CLIP1: variants seen among roughly 807,000 people sequenced by gnomAD.
CLIP1 encodes the protein CAP-Gly domain-containing linker protein 1.
CLIP1 carries 66 observed loss-of-function variants against 161.6 expected under a neutral mutation model. The observed-to-expected ratio is 0.41, with a 90% CI of 0.33 to 0.50. CLIP1 has a LOEUF of 0.50. Ranked by LOEUF, CLIP1 falls within the 20% of genes least tolerant of loss-of-function variation. The pLI is 0.27. For missense variants in CLIP1, 1,376 were observed against 1,702.0 expected (o/e 0.81, Z 3.37); for synonymous variants, 598 against 626.2 (o/e 0.96, Z 0.67).
chr12:122,406,028 C>A (rs2137122699), intron 1 of CLIP1, among the ~76,000 whole-genome samples: 1 of 152,302 alleles, frequency 6.6e-6, no homozygotes, highest in Non-Finnish European at 1.5e-5. Context: ...GATGGCACCA[C>A]TGCACTCCAG....
chr12:122,401,453 G>A (rs2137082218), intron 1 of CLIP1, among the ~76,000 whole-genome samples: 1 of 152,060 alleles, frequency 6.6e-6, no homozygotes. Flanking sequence ...ATCACTTGAG[G>A]TCAGGAATTC....
In CLIP1 at chr12:122,364,039, A is replaced by G. The variant is rs146579864; in HGVS notation, c.726T>C (p.Cys242=). The change falls in exon 4 of 26, where the codon TGT becomes TGC. Residue 242 remains cysteine, a synonymous_variant. Coordinates refer to ENST00000620786, the MANE Select transcript of CLIP1 (RefSeq NM_001247997.2). ...GETDFAKGEW[C]GVELDEPLGK... Reference sequence around the variant, plus strand: ...CAAGTGGCTCATCTAACTCCACGCCACACCACTCCCCCTTGGCAAAGTCGG... The same window carrying G: ...CAAGTGGCTCATCTAACTCCACGCCGCACCACTCCCCCTTGGCAAAGTCGG... 3.4e-5 allele frequency: 55 copies of G among 1,613,996 alleles called. No homozygotes were observed. Among genetic ancestry groups the G allele is most frequent in the Non-Finnish European group, 4.5e-5 (53 of 1,180,028 alleles).
intron 20 of CLIP1, among the ~76,000 whole-genome samples, chr12:122,309,346 CACTTACACCAAATCT>C (rs1156655038): frequency 2.9e-4 from 44 of 152,256 alleles, no homozygotes; most frequent in Non-Finnish European, 5.6e-4. Context: ...CAGCTGCCAA[CACTTACACCAAATCT>C]ATATTCTTGG....
At chr12:122,400,136 C>T (rs1412954327) in intron 1 of CLIP1, 5 of 152,146 alleles carry the variant, frequency 3.3e-5, no homozygotes, top group South Asian at 2.1e-4. Flanking sequence ...ACTTACACAA[C>T]GCTGGGACCT....
rs1042643249 is a variant in CLIP1, at chr12:122,329,652, A to C, written c.2868-1226T>G. Among the ~76,000 whole-genome samples, 5 of 147,432 alleles carry C rather than the reference A, an allele frequency of 3.4e-5. No individual in the cohort carries two copies. The South Asian group carries it at 8.3e-4, about 24-fold the overall frequency. On this transcript the variant is annotated intron_variant, in intron 15 of 25. Coordinates refer to ENST00000620786, the MANE Select transcript of CLIP1 (RefSeq NM_001247997.2). ...CTCAAAAAAAAAAATTAATTAATTA[A>C]CTTAAATAAATAAATAAATAAATAA... is the stretch of plus-strand genomic sequence containing the variant.
At chr12:122,336,093 A>G (rs1174636904) in intron 12 of CLIP1, among the ~76,000 whole-genome samples, 1 of 152,252 alleles carries the variant, frequency 6.6e-6, no homozygotes, top group Non-Finnish European at 1.5e-5. Context: ...TACATATGCC[A>G]TACAACTTGA....
intron 15 of CLIP1, among the ~76,000 whole-genome samples, chr12:122,331,081 C>G (rs1951942600): frequency 6.6e-6 from 1 of 151,636 alleles, no homozygotes; most frequent in Non-Finnish European, 1.5e-5. Context: ...ATGGCACTAT[C>G]TCAGCTCACC....
intron 21 of CLIP1, among the ~76,000 whole-genome samples, chr12:122,287,299 C>A (rs1188834647): frequency 6.6e-6 from 1 of 152,206 alleles, no homozygotes; most frequent in Non-Finnish European, 1.5e-5. Flanking sequence ...AACTCCTAAG[C>A]AACTGCTACG....
chr12:122,309,154 T>C (rs1187803803), intron 20 of CLIP1, among the ~76,000 whole-genome samples: 2 of 152,226 alleles, frequency 1.3e-5, no homozygotes, highest in African/African-American at 4.8e-5. Flanking sequence ...TCAACTTCTA[T>C]AAGAAACCTT....
At chr12:122,360,205 G>A (rs1007444673) in intron 5 of CLIP1, among the ~76,000 whole-genome samples, 2 of 152,058 alleles carry the variant, frequency 1.3e-5, no homozygotes, top group Non-Finnish European at 2.9e-5. Flanking sequence ...AGTAGGTCAG[G>A]TTGTATTAAC....
chr12:122,355,102 G>A lies in CLIP1; in HGVS notation c.1203+13C>T, dbSNP rs780361394. Reference sequence around the variant, plus strand: ...AAACCATCACCATCTCCGCAACAAGGTCCAGACTTCACCTGGTCATGTCCG... The same window carrying A: ...AAACCATCACCATCTCCGCAACAAGATCCAGACTTCACCTGGTCATGTCCG... On this transcript the variant is annotated intron_variant, in intron 6 of 25. Coordinates refer to ENST00000620786, the MANE Select transcript of CLIP1 (RefSeq NM_001247997.2). This position sits in a 1 kb window ranked among gnomAD's most constrained non-coding sequence, Gnocchi z 4.1. The A allele has an allele frequency of 6.2e-7, 1 of 1,612,410 alleles. No homozygotes were observed. The highest frequency in any genetic ancestry group is 8.5e-7 in the Non-Finnish European group (1 of 1,179,062).
At chr12:122,341,986 G>C (rs1271592445) in intron 10 of CLIP1, 3 of 191,496 alleles carry the variant, frequency 1.6e-5, no homozygotes, top group African/African-American at 7.0e-5. Context: ...GTTTCACCAT[G>C]TTGGTTAGGC....
In CLIP1 at chr12:122,330,468, C is replaced by A. The variant is rs114601419; in HGVS notation, c.2868-2042G>T. Among the ~76,000 whole-genome samples the A allele has an allele frequency of 3.7e-3, 559 of 152,048 alleles. 3 individuals carry two copies. Among genetic ancestry groups the A allele is most frequent in the African/African-American group, 0.012 (515 of 41,470 alleles). ...ACAGACTTAATTTATAAATGTTTGC[C>A]TTATAAATTCTTTGATTTTTATATG... On this transcript the variant is annotated intron_variant, in intron 15 of 25. Transcript: ENST00000620786.
chr12:122,306,375 C>G (rs944871353), intron 20 of CLIP1, among the ~76,000 whole-genome samples: 1 of 152,284 alleles, frequency 6.6e-6, no homozygotes. Flanking sequence ...ATGGAAAGAG[C>G]AGTCACAAAG....
chr12:122,326,273 T>C (rs762095846), intron 17 of CLIP1, among the ~76,000 whole-genome samples: 2 of 150,910 alleles, frequency 1.3e-5, no homozygotes, highest in Non-Finnish European at 3.0e-5. Flanking sequence ...TGGTGGCTCA[T>C]GCCTGCAATC....
intron 1 of CLIP1, among the ~76,000 whole-genome samples, chr12:122,403,512 T>C (rs1473664885): frequency 1.3e-5 from 2 of 149,826 alleles, no homozygotes; most frequent in Non-Finnish European, 3.0e-5. Context: ...TTTTTTTTTT[T>C]TTTTTTTGGT....
intron 20 of CLIP1, among the ~76,000 whole-genome samples, chr12:122,304,390 T>TTGCTCTGTCGCCCAGGCTGGAGTCC (rs1310975624): frequency 8.5e-5 from 13 of 152,218 alleles, no homozygotes; most frequent in African/African-American, 3.1e-4. Context: ...AGACGGAGTC[T>TTGCTCTGTCGCCCAGGCTGGAGTCC]TGCTCTGTCG....
intron 5 of CLIP1, among the ~76,000 whole-genome samples, chr12:122,357,417 A>C (rs1454259813): frequency 2.8e-5 from 4 of 142,072 alleles, no homozygotes; most frequent in Admixed American, 7.0e-5. Flanking sequence ...GCCCTGTCTG[A>C]GAAGTGAAGA....
intron 1 of CLIP1, among the ~76,000 whole-genome samples, chr12:122,413,728 T>C (rs1422739619): frequency 6.6e-6 from 1 of 152,208 alleles, no homozygotes; most frequent in Admixed American, 6.5e-5. Context: ...GTAATATGAC[T>C]ACTTCCTCTT....
Sources: allele counts gnomAD v4.1 joint callset (sites outside exome capture counted in the v4.1 genomes callset), GRCh38; gene constraint gnomAD v4.1.1; non-coding constraint Gnocchi (gnomAD v3.1); transcripts MANE v1.5; gene names NCBI Gene and HGNC (gene_info 2026-07-23, HGNC 2026-07-21).